Variants in KDM4D observed in about 807,000 individuals in gnomAD.
KDM4D encodes lysine demethylase 4D.
For synonymous variants in KDM4D, 254 were observed against 249.1 expected, an observed-to-expected ratio of 1.02 and a Z score of -0.19; for missense variants, 427 against 674.8, an observed-to-expected ratio of 0.63 and a Z score of 4.07.
At chr11:94,983,426 C>T (rs80281923) in intron 2 of KDM4D, among the ~76,000 whole-genome samples, 3,867 of 152,040 alleles carry the variant, frequency 0.025, 157 homozygotes, top group African/African-American at 0.089. Flanking sequence ...TACACAAAGG[C>T]ACAAATCATA....
At chr11:94,989,735 T>TCC (rs1857917822) in intron 2 of KDM4D, among the ~76,000 whole-genome samples, 1 of 130,656 alleles carries the variant, frequency 7.7e-6, no homozygotes, top group Non-Finnish European at 1.6e-5. Flanking sequence ...ACCTTCTTTC[T>TCC]CTCTCTCTCT....
intron 2 of KDM4D, among the ~76,000 whole-genome samples, chr11:94,994,084 A>G (rs1187808196): frequency 6.6e-6 from 1 of 152,126 alleles, no homozygotes; most frequent in Non-Finnish European, 1.5e-5. Flanking sequence ...GGGTTCTTCT[A>G]TAAGGAAGAT....
chr11:94,993,512 AG>A (rs1857952919), intron 2 of KDM4D, among the ~76,000 whole-genome samples: 2 of 89,932 alleles, frequency 2.2e-5, no homozygotes, highest in South Asian at 1.2e-3. Context: ...AATTCTAAGC[AG>A]TTTTTTTTTT....
chr11:94,978,403 A>C (rs1370658333), intron 2 of KDM4D, among the ~76,000 whole-genome samples: 3 of 152,214 alleles, frequency 2.0e-5, no homozygotes, highest in African/African-American at 7.2e-5. Flanking sequence ...CACATTTTCT[A>C]ATATAAAAAA....
At chr11:94,981,181 C>T (rs145514568) in intron 2 of KDM4D, among the ~76,000 whole-genome samples, 1 of 152,110 alleles carries the variant, frequency 6.6e-6, no homozygotes, top group Non-Finnish European at 1.5e-5. Flanking sequence ...TGTGCTATTA[C>T]ACTATTATTT....
rs1555099398 is a variant in KDM4D, at chr11:94,997,727, G to A, written c.355G>A (p.Glu119Lys). 12 of 1,614,122 alleles carry A rather than the reference G, an allele frequency of 7.4e-6. No individual in the cohort carries two copies. Among genetic ancestry groups the A allele is most frequent in the African/African-American group, 1.3e-5 (1 of 74,948 alleles). ...KYQTPPHQNF[E>K]DLERKYWKNR... is the part of the protein sequence containing the mutation. ...TCAGACTCCACCACACCAGAATTTC[G>A]AAGATTTGGAGCGAAAATACTGGAA... The change falls in exon 3 of 3, where the codon GAA becomes AAA. Residue 119 changes from glutamate to lysine, a missense_variant. By Grantham distance (56) the Glu-to-Lys change is moderately conservative. Coordinates refer to ENST00000335080, the MANE Select transcript of KDM4D (RefSeq NM_018039.3).
At chr11:94,991,766 C>T (rs1857936628) in intron 2 of KDM4D, among the ~76,000 whole-genome samples, 1 of 148,538 alleles carries the variant, frequency 6.7e-6, no homozygotes, top group Non-Finnish European at 1.5e-5. Flanking sequence ...AGTTAATACA[C>T]AGACGAAAAG....
At chr11:94,975,099 T>C (rs1424437056) in intron 1 of KDM4D, among the ~76,000 whole-genome samples, 2 of 152,216 alleles carry the variant, frequency 1.3e-5, no homozygotes, top group Non-Finnish European at 2.9e-5. Context: ...ATTTCTGTTT[T>C]ATAAAACAGG....
chr11:94,995,454 T>C (rs1252230185), intron 2 of KDM4D, among the ~76,000 whole-genome samples: 1 of 152,190 alleles, frequency 6.6e-6, no homozygotes, highest in Non-Finnish European at 1.5e-5. Context: ...ATGTGCTGTT[T>C]TGTTGGGACA....
At chr11:94,978,500 A>G (rs1857817291) in intron 2 of KDM4D, among the ~76,000 whole-genome samples, 1 of 152,216 alleles carries the variant, frequency 6.6e-6, no homozygotes, top group African/African-American at 2.4e-5. Flanking sequence ...TTTTAAATGA[A>G]GACATTCTAG....
At chr11:94,974,687 G>C (rs782762418) in intron 1 of KDM4D, among the ~76,000 whole-genome samples, 1 of 152,122 alleles carries the variant, frequency 6.6e-6, no homozygotes, top group East Asian at 1.9e-4. Context: ...CCAAAATCCC[G>C]GAGTGCCTAC....
rs782495445 is a variant in KDM4D at position 94,998,937 on chromosome 11, T to G, written c.1565T>G (p.Val522Gly). The change falls in exon 3 of 3, where the codon GTG (valine) becomes GGG (glycine). Residue 522 changes from valine to glycine, a missense_variant. Transcript: ENST00000335080. The surrounding 1 kb of genome is among the most constrained non-coding windows in gnomAD (Gnocchi z 6.7). The stretch of plus-strand genomic sequence containing the variant: ...GCTTCTGGGTGCAGCTGGGCCCCTG[T>G]GCCCTAAGTCCACGGGCTGTCTTTA... Reference protein sequence around the residue: ...VKASGCSWAPVP With the variant: ...VKASGCSWAPGP 8.0e-6 allele frequency: 12 copies of G among 1,509,122 alleles called. No individual in the cohort carries two copies. Among genetic ancestry groups the G allele is most frequent in the Non-Finnish European group, 1.1e-5 (12 of 1,128,710 alleles). 93.5% of individuals were successfully genotyped at this position (1,509,122 alleles called of 1,614,324 possible).
chr11:94,988,511 A>G (rs1486706231), intron 2 of KDM4D, among the ~76,000 whole-genome samples: 1 of 152,210 alleles, frequency 6.6e-6, no homozygotes, highest in Non-Finnish European at 1.5e-5. Flanking sequence ...TATAATGTAA[A>G]GAAATATGAG....
At chr11:94,983,740 A>T (rs181613332) in intron 2 of KDM4D, among the ~76,000 whole-genome samples, 4 of 151,908 alleles carry the variant, frequency 2.6e-5, no homozygotes, top group African/African-American at 7.3e-5. Flanking sequence ...CAACAACAAC[A>T]ACTACAATAA....
rs144214228 is a variant in KDM4D at position 94,991,479 on chromosome 11, A to G, written c.-349-5545A>G. On this transcript the variant is annotated intron_variant, in intron 2 of 2. Coordinates refer to ENST00000335080, the MANE Select transcript of KDM4D (RefSeq NM_018039.3). ...GATTTTAGTATTTCTAGAGAGGTAA[A>G]AGAAGAAATGCTCCCATGAAGCAAG... Among the ~76,000 whole-genome samples the G allele has an allele frequency of 7.8e-3, 1,189 of 152,294 alleles. 8 individuals carry two copies. The highest frequency in any genetic ancestry group is 0.014 in the Non-Finnish European group (933 of 68,018).
intron 2 of KDM4D, among the ~76,000 whole-genome samples, chr11:94,981,595 T>C (rs1857843580): frequency 2.0e-5 from 3 of 152,092 alleles, no homozygotes. Context: ...AAAATGTATT[T>C]ACTTCATTGA....
At chr11:94,990,085 T>G (rs1255016282) in intron 2 of KDM4D, among the ~76,000 whole-genome samples, 1 of 152,132 alleles carries the variant, frequency 6.6e-6, no homozygotes, top group African/African-American at 2.4e-5. Flanking sequence ...ATGCAGCTTA[T>G]GAGGAAAGGT....
intron 2 of KDM4D, among the ~76,000 whole-genome samples, chr11:94,976,872 A>G (rs919315770): frequency 2.0e-5 from 3 of 152,218 alleles, no homozygotes; most frequent in Admixed American, 6.5e-5. Context: ...GAATTTGGAA[A>G]GACCTTTCAA....
chr11:94,997,770 C>T lies in KDM4D; in HGVS notation c.398C>T (p.Ser133Leu). The T allele has an allele frequency of 6.2e-7, 1 of 1,614,228 alleles. No individual in the cohort carries two copies. Among genetic ancestry groups the T allele is most frequent in the African/African-American group, 1.3e-5 (1 of 75,056 alleles). ...RKYWKNRIYN[S>L]PIYGADISGS... ...TACTGGAAGAACCGCATCTATAATT[C>T]ACCGATTTATGGTGCTGACATCAGT... Residue 133 changes from serine (S) to leucine (L), a missense_variant, in exon 3 of 3, where the codon TCA (serine) becomes TTA (leucine). Coordinates refer to ENST00000335080, the MANE Select transcript of KDM4D (RefSeq NM_018039.3).
Sources: allele counts gnomAD v4.1 joint callset (sites outside exome capture counted in the v4.1 genomes callset), GRCh38; gene constraint gnomAD v4.1.1; non-coding constraint Gnocchi (gnomAD v3.1); transcripts MANE v1.5; gene names NCBI Gene and HGNC (gene_info 2026-07-23, HGNC 2026-07-21).